The following TPH1 variants were observed in gnomAD, a reference collection of about 807,000 sequenced individuals.
TPH1 encodes tryptophan 5-hydroxylase 1.
TPH1 carries 37 observed loss-of-function variants against 49.5 expected under a neutral mutation model. The ratio of observed to expected loss-of-function variants is 0.75; its 90% CI spans 0.58 to 0.98. The LOEUF (loss-of-function observed/expected upper bound fraction) is 0.98, where lower values mean the gene tolerates loss of function less well. Among genes scored for constraint, TPH1 ranks in the 50% least tolerant of loss-of-function variants. The probability of loss-of-function intolerance (pLI) is 0.00; values close to 1 mark genes in which losing one functional copy is unlikely to be tolerated. For synonymous variants in TPH1, 160 were observed against 182.1 expected (o/e 0.88, Z 0.98); for missense variants, 487 against 523.6 (o/e 0.93, Z 0.68).
chr11:18,033,267 T>C lies in TPH1; in HGVS notation c.402+7A>G. On this transcript the variant is annotated splice_region_variant and intron_variant, in intron 4 of 10. Coordinates refer to ENST00000682019, the MANE Select transcript of TPH1 (RefSeq NM_004179.3). ...GACTTGCTCTTAAAAAAAAAGAAAA[T>C]ACTTACAGGATGGTCTGCATCTAGT... The C allele has an allele frequency of 6.2e-7, 1 of 1,608,044 alleles. No individual in the cohort carries two copies. Among genetic ancestry groups the C allele is most frequent in the Non-Finnish European group, 8.5e-7 (1 of 1,174,766 alleles).
At chr11:18,045,567 G>A (rs1291960641) in intron 1 of TPH1, among the ~76,000 whole-genome samples, 6 of 151,934 alleles carry the variant, frequency 3.9e-5, no homozygotes, top group Admixed American at 3.9e-4. Context: ...AAGTAGAGTG[G>A]GACATCAATG....
intron 7 of TPH1, among the ~76,000 whole-genome samples, chr11:18,026,079 C>G (rs1306340883): frequency 6.6e-6 from 1 of 152,090 alleles, no homozygotes. Flanking sequence ...CCCACCTACA[C>G]TTTCCTCCAT....
chr11:18,029,624 C>G, intron 4 of TPH1, 45 bp from the exon 5 acceptor site: 1 of 1,471,348 alleles, frequency 6.8e-7, no homozygotes, highest in Non-Finnish European at 9.5e-7. Flanking sequence ...CTAAAAAATA[C>G]TTGACAAATG....
chr11:18,021,830 G>A (rs898059914), intron 10 of TPH1, among the ~76,000 whole-genome samples: 1 of 152,000 alleles, frequency 6.6e-6, no homozygotes, highest in Non-Finnish European at 1.5e-5. Context: ...GCACCCCCAG[G>A]AACAATCATG....
At chr11:18,024,537 C>T (rs1189672462) in intron 8 of TPH1, among the ~76,000 whole-genome samples, 2 of 152,100 alleles carry the variant, frequency 1.3e-5, no homozygotes, top group African/African-American at 4.8e-5. Context: ...CATTGAATAT[C>T]TTAACAGTCT....
In TPH1 at chr11:18,040,641, C is replaced by T. The variant is rs750277526; in HGVS notation, c.117+5G>A. The T allele has an allele frequency of 9.3e-6, 15 of 1,609,654 alleles. No homozygotes were observed. In the South Asian group the frequency reaches 1.7e-4, roughly 18 times the overall value. ...ATTCTGTGCAAAAATACAGAAAATG[C>T]TTACCTGAAAGATTTTCAGGGCTTT... is the stretch of plus-strand genomic sequence containing the variant. On this transcript the variant is annotated splice_donor_5th_base_variant and intron_variant, in intron 2 of 10. Transcript: ENST00000682019.
intron 6 of TPH1, 58 bp downstream of exon 6, chr11:18,029,105 GCT>G: frequency 1.4e-6 from 1 of 699,254 alleles, no homozygotes; most frequent in Non-Finnish European, 2.3e-6. Flanking sequence ...AAAAAAAAAT[GCT>G]GTCATGATCA....
chr11:18,022,916 G>A lies in TPH1; in HGVS notation c.1042C>T (p.His348Tyr), dbSNP rs1239785773. Residue 348 changes from histidine to tyrosine, a missense_variant, in exon 10 of 11, where the codon CAT becomes TAT. Physicochemically the swap from His to Tyr is moderately conservative, Grantham distance 83. Transcript: ENST00000682019. ...ISELKHALSG[H>Y]AKVKPFDPKI... ...GGATCAAAGGGCTTTACTTTGGCAT[G>A]TCCAGAAAGTGCATGCTAGAAGACA... is the stretch of plus-strand genomic sequence containing the variant. 1 of 1,613,450 alleles carries A rather than the reference G, an allele frequency of 6.2e-7. No individual in the cohort carries two copies. The highest frequency in any genetic ancestry group is 1.1e-5 in the South Asian group (1 of 91,060).
At chr11:18,032,950 T>C (rs570400099) in intron 4 of TPH1, among the ~76,000 whole-genome samples, 30 of 152,172 alleles carry the variant, frequency 2.0e-4, no homozygotes, top group Non-Finnish European at 3.7e-4. Flanking sequence ...ATTGTTTTTA[T>C]AAAAATATTT....
At chr11:18,027,999 G>T (rs1209512764) in intron 6 of TPH1, among the ~76,000 whole-genome samples, 1 of 152,114 alleles carries the variant, frequency 6.6e-6, no homozygotes, top group African/African-American at 2.4e-5. Context: ...TTCAGACCAC[G>T]ATGGAAATAA....
rs1376569182 is a variant in TPH1, at chr11:18,029,347, G to A, written c.485C>T (p.Pro162Leu). Reference sequence around the variant, plus strand: ...CTCCTCTTCAGTGAATTCAACCTTTGGAATGGGGTCTCCACTAATGAGATA... The same window carrying A: ...CTCCTCTTCAGTGAATTCAACCTTTAGAATGGGGTCTCCACTAATGAGATA... ...AMNYKHGDPI[P>L]KVEFTEEEIK... The change falls in exon 6 of 11, where the codon CCA becomes CTA. Residue 162 changes from proline to leucine, a missense_variant. Transcript: ENST00000682019. 6.2e-7 allele frequency: 1 copy of A among 1,613,860 alleles called. No individual in the cohort carries two copies. Among genetic ancestry groups the A allele is most frequent in the African/African-American group, 1.3e-5 (1 of 75,002 alleles).
At chr11:18,021,693 CAT>C (rs765643178) in intron 10 of TPH1, among the ~76,000 whole-genome samples, 7 of 152,148 alleles carry the variant, frequency 4.6e-5, no homozygotes, top group Non-Finnish European at 8.8e-5. Context: ...ACCTCCTGCA[CAT>C]GTTAGATTTT....
intron 2 of TPH1, among the ~76,000 whole-genome samples, chr11:18,037,508 TG>T (rs1308633041): frequency 6.6e-6 from 1 of 152,158 alleles, no homozygotes; most frequent in Non-Finnish European, 1.5e-5. Context: ...CAAAATATAT[TG>T]GGATTGATCA....
At chr11:18,034,814 T>C (rs1011319611) in intron 3 of TPH1, among the ~76,000 whole-genome samples, 1 of 152,218 alleles carries the variant, frequency 6.6e-6, no homozygotes, top group African/African-American at 2.4e-5. Context: ...CCTTTATCTT[T>C]GCTACCTGAG....
rs200136862 is a variant in TPH1 at position 18,035,378 on chromosome 11, TTTC to T, written c.301+578_301+580del. ...GTCTGTCTTTCTTTTTCTTTCTTTC[TTTC>T]TTTTCTTTCTTTTTCTTTCTTTTTT... On this transcript the variant is annotated intron_variant, in intron 3 of 10. Transcript: ENST00000682019. Among the ~76,000 whole-genome samples, 1,110 of 145,514 alleles carry T rather than the reference TTTC, an allele frequency of 7.6e-3. 12 individuals carry two copies. The highest frequency in any genetic ancestry group is 0.027 in the African/African-American group (1,065 of 38,900).
rs2134022484 is a variant in TPH1 at position 18,018,056 on chromosome 11, A to T, written c.*2935T>A. Reference sequence around the variant, plus strand: ...AGCCTGGCCAACATGGCGAAACCCCATCTCTACTAAAAAAACAAAAATTAG... The same window carrying T: ...AGCCTGGCCAACATGGCGAAACCCCTTCTCTACTAAAAAAACAAAAATTAG... On this transcript the variant is annotated 3_prime_UTR_variant, in exon 11 of 11. Coordinates refer to ENST00000682019, the MANE Select transcript of TPH1 (RefSeq NM_004179.3). 6.6e-6 allele frequency: 1 copy of T among 151,854 alleles called. No individual in the cohort carries two copies. The highest frequency in any genetic ancestry group is 2.0e-4 in the East Asian group (1 of 5,122). The allele number at this position is 151,854 out of a possible 1,614,324, so 9.4% of individuals were successfully genotyped here. A position where few individuals can be genotyped will look rare whatever the true frequency, so the allele number is the denominator to read the frequency against.
intron 1 of TPH1, chr11:18,041,165 A>G (rs190718291): frequency 8.3e-4 from 148 of 177,950 alleles, no homozygotes; most frequent in Admixed American, 3.5e-3. Context: ...CAGGTCTCAA[A>G]TGGTTTCCCC....
chr11:18,041,049 T>C (rs571570585), intron 1 of TPH1: 2 of 306,972 alleles, frequency 6.5e-6, no homozygotes, highest in East Asian at 1.8e-4. Context: ...AGGGCATGAC[T>C]GAAGCCTGCT....
intron 2 of TPH1, among the ~76,000 whole-genome samples, chr11:18,040,343 T>C (rs1590268410): frequency 6.8e-6 from 1 of 147,512 alleles, no homozygotes; most frequent in East Asian, 2.0e-4. Flanking sequence ...ATTATATATT[T>C]ATATATTTTA....
Sources: allele counts gnomAD v4.1 joint callset (sites outside exome capture counted in the v4.1 genomes callset), GRCh38; gene constraint gnomAD v4.1.1; transcripts MANE v1.5; gene names NCBI Gene and HGNC (gene_info 2026-07-23, HGNC 2026-07-21).